Variants in CCDC91 observed in about 807,000 individuals in gnomAD.
CCDC91 encodes the protein coiled-coil domain containing 91.
Under a neutral mutation model 63.2 loss-of-function variants are expected in CCDC91, and 48 were observed. The ratio of observed to expected loss-of-function variants is 0.76; its 90% CI spans 0.60 to 0.97. The LOEUF (loss-of-function observed/expected upper bound fraction) is 0.97, where lower values mean the gene tolerates loss of function less well. Among genes scored for constraint, CCDC91 ranks in the 50% least tolerant of loss-of-function variants. The probability of loss-of-function intolerance (pLI) is 0.00; values close to 1 mark genes in which losing one functional copy is unlikely to be tolerated. For missense variants in CCDC91, 500 were observed against 494.6 expected, an observed-to-expected ratio of 1.01 and a Z score of -0.10; for synonymous variants, 167 against 165.8, an observed-to-expected ratio of 1.01 and a Z score of -0.06.
At chr12:28,546,764 C>T (rs546268873) in intron 12 of CCDC91, among the ~76,000 whole-genome samples, 98 of 152,014 alleles carry the variant, frequency 6.4e-4, no homozygotes, top group African/African-American at 2.1e-3. Context: ...ACAAGAGACA[C>T]TGATCCTCTA....
At chr12:28,426,921 A>G (rs891214362) in intron 8 of CCDC91, among the ~76,000 whole-genome samples, 1 of 152,108 alleles carries the variant, frequency 6.6e-6, no homozygotes, top group African/African-American at 2.4e-5. Context: ...GGGACTTTTA[A>G]TGTAAATTTG....
intron 1 of CCDC91, among the ~76,000 whole-genome samples, chr12:28,247,957 C>A (rs1945865877): frequency 6.6e-6 from 1 of 152,156 alleles, no homozygotes; most frequent in Non-Finnish European, 1.5e-5. Flanking sequence ...GCTAATCTGA[C>A]AGGAGGCAGA....
In CCDC91 at chr12:28,413,916, A is replaced by T. The variant is rs772175284; in HGVS notation, c.762+22505A>T. On this transcript the variant is annotated intron_variant, in intron 8 of 12. Transcript: ENST00000536442. Reference sequence around the variant, plus strand: ...TGCAAGAAATATGTTTCACTTTCTGATGAATACGGTACATGTCCTTTCTCT... The same window carrying T: ...TGCAAGAAATATGTTTCACTTTCTGTTGAATACGGTACATGTCCTTTCTCT... Among the ~76,000 whole-genome samples the T allele has an allele frequency of 3.9e-5, 6 of 152,196 alleles. No individual in the cohort carries two copies. In the South Asian group the frequency reaches 8.3e-4, roughly 21 times the overall value.
chr12:28,484,200 C>A, intron 12 of CCDC91, 35 bp downstream of exon 12: 1 of 1,191,528 alleles, frequency 8.4e-7, no homozygotes, highest in South Asian at 1.4e-5. Flanking sequence ...ATTTGTGCTT[C>A]AATAAACTGA....
At chr12:28,460,704 GATAA>G (rs67269284) in intron 11 of CCDC91, among the ~76,000 whole-genome samples, 31,627 of 151,776 alleles carry the variant, frequency 0.21, 4,302 homozygotes, top group Non-Finnish European at 0.31. Flanking sequence ...AAGAAAAAAA[GATAA>G]AGCCACATTC....
At chr12:28,462,241 TGA>T (rs1950342108) in intron 11 of CCDC91, among the ~76,000 whole-genome samples, 1 of 152,126 alleles carries the variant, frequency 6.6e-6, no homozygotes, top group South Asian at 2.1e-4. Context: ...GAACAGAACA[TGA>T]GAGTGTTATT....
chr12:28,371,052 AT>A (rs1355381246), intron 7 of CCDC91, among the ~76,000 whole-genome samples: 1 of 151,642 alleles, frequency 6.6e-6, no homozygotes, highest in African/African-American at 2.4e-5. Context: ...CTCTTATCAT[AT>A]TTTTTTATCT....
rs143553658 is a variant in CCDC91, at chr12:28,393,802, G to T, written c.762+2391G>T. On this transcript the variant is annotated intron_variant, in intron 8 of 12. Transcript: ENST00000536442. ...GAATTTTCTTTTTTCTATGAATTCG[G>T]TGTTGAGCTTGTCTTTTTCTTATAA... is the stretch of plus-strand genomic sequence containing the variant. 2.2e-3 allele frequency among the ~76,000 whole-genome samples: 335 copies of T among 152,244 alleles called. 1 individual carries two copies. Among genetic ancestry groups the T allele is most frequent in the Non-Finnish European group, 3.9e-3 (268 of 68,020 alleles).
chr12:28,487,121 C>A lies in CCDC91; in HGVS notation c.1215+2956C>A, dbSNP rs184839231. Among the ~76,000 whole-genome samples, 5 of 151,880 alleles carry A rather than the reference C, an allele frequency of 3.3e-5. No homozygotes were observed. In the East Asian group the frequency reaches 9.7e-4, roughly 29 times the overall value. ...AAGTGTGAATTCTAAAATTTTATTTCTCTTCTGTTACTAATTCACAGAAGA... is the reference window on the plus strand; with the variant it reads ...AAGTGTGAATTCTAAAATTTTATTTATCTTCTGTTACTAATTCACAGAAGA... On this transcript the variant is annotated intron_variant, in intron 12 of 12. Transcript: ENST00000536442.
At chr12:28,501,675 G>T (rs1416934049) in intron 12 of CCDC91, among the ~76,000 whole-genome samples, 6 of 151,456 alleles carry the variant, frequency 4.0e-5, no homozygotes, top group South Asian at 2.1e-4. Context: ...TCTCTTTTTT[G>T]GTTGTGTCTC....
At chr12:28,432,252 A>T (rs1222564090) in intron 8 of CCDC91, among the ~76,000 whole-genome samples, 2 of 151,950 alleles carry the variant, frequency 1.3e-5, no homozygotes, top group African/African-American at 2.4e-5. Context: ...ATACTAAAGG[A>T]CATTGCTATG....
intron 12 of CCDC91, among the ~76,000 whole-genome samples, chr12:28,547,009 A>AT (rs1306421915): frequency 6.6e-6 from 1 of 152,102 alleles, no homozygotes; most frequent in Non-Finnish European, 1.5e-5. Context: ...CAGTTAAGCA[A>AT]TTTTTTAAAA....
At chr12:28,199,055 AGGTGTGTGCCACGAT>A (rs1306229893) in intron 1 of CCDC91, 1 of 152,050 alleles carries the variant, frequency 6.6e-6, no homozygotes, top group Non-Finnish European at 1.5e-5. Context: ...CTAGGACTAC[AGGTGTGTGCCACGAT>A]GCTTGGATAA....
chr12:28,347,461 G>T (rs1395884657), intron 6 of CCDC91, among the ~76,000 whole-genome samples: 4 of 152,184 alleles, frequency 2.6e-5, no homozygotes, highest in Non-Finnish European at 4.4e-5. Context: ...GGTCTGGATT[G>T]CAGGGAGCAG....
chr12:28,381,879 A>G (rs1945318274), intron 7 of CCDC91, among the ~76,000 whole-genome samples: 1 of 152,008 alleles, frequency 6.6e-6, no homozygotes, highest in Admixed American at 6.6e-5. Context: ...TTCTCAACTC[A>G]CAGTCAAGGT....
intron 8 of CCDC91, among the ~76,000 whole-genome samples, chr12:28,410,281 C>A (rs907678780): frequency 5.3e-5 from 8 of 152,120 alleles, no homozygotes; most frequent in South Asian, 2.1e-4. Context: ...AAATGCTCAT[C>A]TCTTTCTCTA....
At chr12:28,526,313 A>G (rs572609513) in intron 12 of CCDC91, among the ~76,000 whole-genome samples, 15 of 152,182 alleles carry the variant, frequency 9.9e-5, no homozygotes, top group African/African-American at 3.6e-4. Flanking sequence ...AAATTTTCTC[A>G]GCATATGTTT....
rs140074096 is a variant in CCDC91, at chr12:28,211,431, A to G, written c.-15+20790A>G. ...CATTAGCGAGTCTGCCTAGCACCCAATATCAGACTGGCAGGTTTCAAAATT... is the reference window on the plus strand; with the variant it reads ...CATTAGCGAGTCTGCCTAGCACCCAGTATCAGACTGGCAGGTTTCAAAATT... On this transcript the variant is annotated intron_variant, in intron 1 of 12. Transcript: ENST00000536442. Among the ~76,000 whole-genome samples the G allele has an allele frequency of 3.1e-3, 474 of 152,220 alleles. 5 individuals carry two copies. The highest frequency in any genetic ancestry group is 0.011 in the African/African-American group (459 of 41,536).
intron 6 of CCDC91, among the ~76,000 whole-genome samples, chr12:28,325,139 A>T (rs1390204125): frequency 6.6e-6 from 1 of 152,000 alleles, no homozygotes; most frequent in Non-Finnish European, 1.5e-5. Flanking sequence ...TTATTGTTTG[A>T]AGAAAGATAT....
Sources: allele counts gnomAD v4.1 joint callset (sites outside exome capture counted in the v4.1 genomes callset), GRCh38; gene constraint gnomAD v4.1.1; transcripts MANE v1.5; gene names NCBI Gene and HGNC (gene_info 2026-07-23, HGNC 2026-07-21).